The following ORC4 variants were observed in gnomAD, a reference collection of about 807,000 sequenced individuals.
ORC4 encodes the protein origin recognition complex, subunit 4 homolog.
ORC4 carries 55 observed loss-of-function variants against 63.9 expected under a neutral mutation model. The ratio of observed to expected loss-of-function variants is 0.86; its 90% CI spans 0.69 to 1.08. ORC4 has a LOEUF of 1.08. Ranked by LOEUF, ORC4 falls within the 50% of genes least tolerant of loss-of-function variation. The probability of loss-of-function intolerance (pLI) is 0.00; values close to 1 mark genes in which losing one functional copy is unlikely to be tolerated. For missense variants in ORC4, 511 were observed against 504.4 expected (o/e 1.01, Z -0.13); for synonymous variants, 150 against 168.5 (o/e 0.89, Z 0.85).
At chr2:147,984,209 T>C (rs914906856) in intron 1 of ORC4, among the ~76,000 whole-genome samples, 5 of 152,090 alleles carry the variant, frequency 3.3e-5, no homozygotes, top group Non-Finnish European at 7.4e-5. Flanking sequence ...CTCCTCCACC[T>C]CTTCTACCCC....
At chr2:148,014,382 C>T (rs888481197) in intron 1 of ORC4, among the ~76,000 whole-genome samples, 4 of 152,150 alleles carry the variant, frequency 2.6e-5, no homozygotes, top group African/African-American at 7.2e-5. Flanking sequence ...GGAATCCCAA[C>T]TCTTGAACAT....
intron 1 of ORC4, among the ~76,000 whole-genome samples, chr2:147,977,066 G>A (rs1247653089): frequency 2.0e-5 from 3 of 152,100 alleles, no homozygotes; most frequent in Non-Finnish European, 4.4e-5. Context: ...TGTTACAAAT[G>A]CTTTGCATTT....
chr2:148,011,812 A>G (rs1431721228), intron 1 of ORC4, among the ~76,000 whole-genome samples: 4 of 152,180 alleles, frequency 2.6e-5, no homozygotes, highest in Admixed American at 2.6e-4. Flanking sequence ...CTCTATGCCA[A>G]CAGTGACAAC....
chr2:147,938,221 GA>G lies in ORC4; in HGVS notation c.1055-9del. On this transcript the variant is annotated splice_polypyrimidine_tract_variant and intron_variant, in intron 12 of 13. Coordinates refer to ENST00000392857, the MANE Select transcript of ORC4 (RefSeq NM_181741.4). ...GAACAAACTTCTGAAACTCTGAGTA[GA>G]AAGCAATGACAACATTATACCTTCA... 6.2e-7 allele frequency: 1 copy of G among 1,611,422 alleles called. No homozygotes were observed. The highest frequency in any genetic ancestry group is 8.5e-7 in the Non-Finnish European group (1 of 1,177,842).
chr2:147,959,735 A>G (rs1473291418), intron 4 of ORC4, among the ~76,000 whole-genome samples: 1 of 152,148 alleles, frequency 6.6e-6, no homozygotes, highest in Non-Finnish European at 1.5e-5. Context: ...TTCCTGTTAT[A>G]CCTGCATGGT....
chr2:148,014,034 C>T (rs887663975), intron 1 of ORC4, among the ~76,000 whole-genome samples: 10 of 151,996 alleles, frequency 6.6e-5, no homozygotes, highest in Non-Finnish European at 4.4e-5. Flanking sequence ...GAAGATGTGC[C>T]GGTCTATGGT....
Position 147,958,803 on chromosome 2 carries a change from C to A in ORC4, c.289G>T (p.Val97Phe). Residue 97 changes from valine to phenylalanine, a missense_variant, in exon 5 of 14, where the codon GTT (valine) becomes TTT (phenylalanine). Coordinates refer to ENST00000392857, the MANE Select transcript of ORC4 (RefSeq NM_181741.4). ...IEEVSENVLQ[V>F]HLNGLLQIND... ...ATGGCATACTTACCATTTAAGTGAA[C>A]TTGTAATACATTTTCACTCACTTCT... is the stretch of plus-strand genomic sequence containing the variant. 6.9e-7 allele frequency: 1 copy of A among 1,454,366 alleles called. No individual in the cohort carries two copies. The highest frequency in any genetic ancestry group is 9.7e-7 in the Non-Finnish European group (1 of 1,035,986). The allele number at this position is 1,454,366 out of a possible 1,614,324, so 90.1% of individuals were successfully genotyped here. A position where few individuals can be genotyped will look rare whatever the true frequency, so the allele number is the denominator to read the frequency against.
chr2:148,003,953 T>C (rs1000953280), intron 1 of ORC4, among the ~76,000 whole-genome samples: 13 of 152,194 alleles, frequency 8.5e-5, no homozygotes, highest in Admixed American at 2.6e-4. Context: ...CAAGCATTCC[T>C]ATATACCAAT....
intron 10 of ORC4, among the ~76,000 whole-genome samples, chr2:147,940,451 A>T (rs959812362): frequency 1.3e-5 from 2 of 152,132 alleles, no homozygotes; most frequent in Non-Finnish European, 2.9e-5. Flanking sequence ...AAAAGAAAGA[A>T]GTCATTATTT....
Position 147,939,197 on chromosome 2 carries a change from C to G in ORC4, c.901G>C (p.Asp301His), listed in dbSNP as rs775562310. Residue 301 changes from aspartate (D) to histidine (H), a missense_variant, in exon 11 of 14, where the codon GAT becomes CAT. Transcript: ENST00000392857. ...CACAGTTGGCTTGCTTCCATTAGAT[C>G]TACGGCAGTCATAAATGGGTGCGAT... ...TASHPFMTAV[D>H]LMEASQLCSM... 1 of 1,613,100 alleles carries G rather than the reference C, an allele frequency of 6.2e-7. No homozygotes were observed. The highest frequency in any genetic ancestry group is 2.2e-5 in the East Asian group (1 of 44,828).
At chr2:147,970,691 A>G (rs1334594782) in intron 4 of ORC4, among the ~76,000 whole-genome samples, 1 of 152,050 alleles carries the variant, frequency 6.6e-6, no homozygotes, top group African/African-American at 2.4e-5. Context: ...AAAATGAATC[A>G]CAGACCTATA....
intron 1 of ORC4, among the ~76,000 whole-genome samples, chr2:147,992,989 C>G (rs922583139): frequency 6.6e-6 from 1 of 152,128 alleles, no homozygotes; most frequent in Non-Finnish European, 1.5e-5. Context: ...CATAGGATCC[C>G]CATTCCAGAA....
intron 2 of ORC4, among the ~76,000 whole-genome samples, chr2:147,974,441 C>T (rs1690411383): frequency 6.6e-6 from 1 of 152,012 alleles, no homozygotes; most frequent in African/African-American, 2.4e-5. Flanking sequence ...CAAGACCAGC[C>T]TGGCCAACAT....
At chr2:147,973,298 G>C (rs985195872) in intron 3 of ORC4, 150 bp downstream of exon 3, 5 of 663,210 alleles carry the variant, frequency 7.5e-6, no homozygotes, top group Non-Finnish European at 1.4e-5. Flanking sequence ...TTCATGCTAT[G>C]TGGTGTTTCT....
In ORC4 at chr2:147,931,484, G is replaced by GTGTT. The variant is rs1687732466; in HGVS notation, c.*4022_*4025dup. 1 of 152,060 alleles carries GTGTT rather than the reference G, an allele frequency of 6.6e-6. No individual in the cohort carries two copies. The highest frequency in any genetic ancestry group is 1.5e-5 in the Non-Finnish European group (1 of 68,014). 9.4% of individuals were successfully genotyped at this position (152,060 alleles called of 1,614,324 possible). A position where few individuals can be genotyped will look rare whatever the true frequency, so the allele number is the denominator to read the frequency against. On this transcript the variant is annotated 3_prime_UTR_variant, in exon 14 of 14. Transcript: ENST00000392857. ...TTACAGTCCCACCAACAGTGTGAAA[G>GTGTT]TGTTCCTATTTCTCCACATCCTCTC...
At chr2:147,992,259 A>AC (rs1358333993) in intron 1 of ORC4, among the ~76,000 whole-genome samples, 1 of 151,976 alleles carries the variant, frequency 6.6e-6, no homozygotes, top group East Asian at 1.9e-4. Context: ...ATCAACGAAA[A>AC]CTTTTTTTTG....
intron 9 of ORC4, among the ~76,000 whole-genome samples, chr2:147,944,493 A>G (rs1424110115): frequency 6.6e-6 from 1 of 152,068 alleles, no homozygotes; most frequent in African/African-American, 2.4e-5. Context: ...AGAAATTCAA[A>G]GATCACCACA....
chr2:148,021,400 C>T (rs867023666), upstream of ORC4: 2 of 511,192 alleles, frequency 3.9e-6, no homozygotes, highest in South Asian at 1.6e-5. Context: ...CCTCTTTGGC[C>T]GTGAGAGGAG....
At chr2:147,950,443 C>T (rs1375737686) in intron 8 of ORC4, among the ~76,000 whole-genome samples, 1 of 152,174 alleles carries the variant, frequency 6.6e-6, no homozygotes, top group African/African-American at 2.4e-5. Context: ...TACTTTTGTT[C>T]TCTCCCTATA....
Sources: allele counts gnomAD v4.1 joint callset (sites outside exome capture counted in the v4.1 genomes callset), GRCh38; gene constraint gnomAD v4.1.1; transcripts MANE v1.5; gene names NCBI Gene and HGNC (gene_info 2026-07-23, HGNC 2026-07-21).